VPS45: variants seen among roughly 807,000 people sequenced by gnomAD.
The protein encoded by VPS45 is vacuolar protein sorting 45 homolog.
Under a neutral mutation model 75.9 loss-of-function variants are expected in VPS45, and 35 were observed. The ratio of observed to expected loss-of-function variants is 0.46; its 90% CI spans 0.35 to 0.61. VPS45 has a LOEUF of 0.61. Among genes scored for constraint, VPS45 ranks in the 20% least tolerant of loss-of-function variants. The probability of loss-of-function intolerance (pLI) is 0.00; values close to 1 mark genes in which losing one functional copy is unlikely to be tolerated. For missense variants in VPS45, 559 were observed against 685.9 expected (o/e 0.81, Z 2.07); for synonymous variants, 220 against 238.2 (o/e 0.92, Z 0.70).
intron 14 of VPS45, among the ~76,000 whole-genome samples, chr1:150,122,092 G>A (rs1265226677): frequency 6.6e-6 from 1 of 152,070 alleles, no homozygotes; most frequent in African/African-American, 2.4e-5. Context: ...GGGCCAAGGC[G>A]GCCGGATCAC....
At chr1:150,083,056 A>G in intron 10 of VPS45, 173 bp downstream of exon 10, 3 of 694,352 alleles carry the variant, frequency 4.3e-6, no homozygotes, top group Non-Finnish European at 6.6e-6. Flanking sequence ...GAGTCACAAG[A>G]GAAGTGTAAT....
At chr1:150,069,730 A>G (rs1224560556) in intron 2 of VPS45, among the ~76,000 whole-genome samples, 14 of 152,174 alleles carry the variant, frequency 9.2e-5, no homozygotes, top group Admixed American at 9.2e-4. Context: ...TGCTGGGATT[A>G]CAGGCGGGAG....
At chr1:150,114,522 T>A (rs1286956318) in intron 14 of VPS45, among the ~76,000 whole-genome samples, 1 of 145,486 alleles carries the variant, frequency 6.9e-6, no homozygotes, top group Non-Finnish European at 1.5e-5. Flanking sequence ...GGCGGGAGGA[T>A]CATTTGAGCT....
intron 10 of VPS45, among the ~76,000 whole-genome samples, chr1:150,085,982 T>A (rs1228723273): frequency 2.0e-5 from 3 of 152,040 alleles, no homozygotes; most frequent in African/African-American, 7.2e-5. Context: ...CCCTATACCC[T>A]GCCCCCCATG....
At chr1:150,079,699 A>G (rs1655589452) in intron 7 of VPS45, among the ~76,000 whole-genome samples, 1 of 152,194 alleles carries the variant, frequency 6.6e-6, no homozygotes, top group African/African-American at 2.4e-5. Context: ...GGCGTGAGCC[A>G]CCACGCCCGG....
chr1:150,142,811 CCTGT>C (rs1659458846), intron 14 of VPS45: 2 of 446,982 alleles, frequency 4.5e-6, no homozygotes, highest in African/African-American at 2.0e-5. Flanking sequence ...ACTACAGGCA[CCTGT>C]CTAATTTTTG....
At position 150,144,783 on chromosome 1, in the gene VPS45, C is replaced by T. The variant is rs373074422; in HGVS notation, c.1700C>T (p.Ala567Val). ...KESSQVTSRS[A>V]SRR is the part of the protein sequence containing the mutation. ...AGCTCTCAAGTCACATCAAGGTCAG[C>T]GAGCAGAAGATGAAACGGTGGTTGG... Residue 567 changes from alanine (A) to valine (V), a missense_variant, in exon 15 of 15, where the codon GCG (alanine) becomes GTG (valine). Transcript: ENST00000644510. The T allele has an allele frequency of 1.7e-5, 28 of 1,614,022 alleles. No homozygotes were observed. The highest frequency in any genetic ancestry group is 2.0e-5 in the Non-Finnish European group (24 of 1,180,046).
intron 2 of VPS45, among the ~76,000 whole-genome samples, chr1:150,071,794 A>AAG (rs1655090055): frequency 6.6e-6 from 1 of 151,682 alleles, no homozygotes; most frequent in South Asian, 2.1e-4. Context: ...TCTCAAAAAA[A>AAG]AAAAAAAAGA....
intron 2 of VPS45, 61 bp from the exon 3 acceptor site, chr1:150,072,105 T>A: frequency 1.4e-6 from 2 of 1,434,576 alleles, no homozygotes; most frequent in Non-Finnish European, 1.9e-6. Flanking sequence ...GGTGAATGCT[T>A]ATTACTTTTT....
chr1:150,067,581 G>A (rs1275930409), upstream of VPS45: 2 of 445,650 alleles, frequency 4.5e-6, no homozygotes, highest in African/African-American at 2.0e-5. Flanking sequence ...CTGAGAGTCC[G>A]GGCCTCAGGC....
At chr1:150,068,607 T>C (rs1430130805) in intron 1 of VPS45, 23 bp from the exon 2 acceptor site, 1 of 1,495,650 alleles carries the variant, frequency 6.7e-7, no homozygotes, top group Non-Finnish European at 9.0e-7. Flanking sequence ...AGCATACTTT[T>C]AGTTAATCTT....
intron 10 of VPS45, among the ~76,000 whole-genome samples, chr1:150,085,008 G>A (rs1020386379): frequency 3.3e-5 from 5 of 151,898 alleles, no homozygotes; most frequent in African/African-American, 1.2e-4. Context: ...ATTGTTGTTG[G>A]GTTTTGGATC....
At chr1:150,141,123 C>G (rs1659370204) in intron 14 of VPS45, among the ~76,000 whole-genome samples, 1 of 152,190 alleles carries the variant, frequency 6.6e-6, no homozygotes, top group Non-Finnish European at 1.5e-5. Context: ...CTGCCTTACC[C>G]ACTCCCATAC....
chr1:150,105,428 G>T (rs1657268408), intron 13 of VPS45, among the ~76,000 whole-genome samples: 1 of 152,116 alleles, frequency 6.6e-6, no homozygotes, highest in Non-Finnish European at 1.5e-5. Context: ...AAAGTCTCAG[G>T]ATACAAAATC....
intron 13 of VPS45, among the ~76,000 whole-genome samples, chr1:150,106,393 C>T (rs1177941071): frequency 6.6e-6 from 1 of 152,080 alleles, no homozygotes; most frequent in African/African-American, 2.4e-5. Flanking sequence ...AAAAACAACC[C>T]CATTAAAAAC....
rs782101121 is a variant in VPS45 at position 150,072,161 on chromosome 1, T to C, written c.229-5T>C. The C allele has an allele frequency of 1.2e-6, 2 of 1,605,942 alleles. No individual in the cohort carries two copies. The highest frequency in any genetic ancestry group is 2.2e-5 in the South Asian group (2 of 89,792). ...TATTTTGTTTGCTTGTTCTTCATTTTCTAGGAGAATGTGGATTATATTATT... is the reference window on the plus strand; with the variant it reads ...TATTTTGTTTGCTTGTTCTTCATTTCCTAGGAGAATGTGGATTATATTATT... On this transcript the variant is annotated splice_region_variant and splice_polypyrimidine_tract_variant and intron_variant, in intron 2 of 14. Transcript: ENST00000644510.
intron 14 of VPS45, among the ~76,000 whole-genome samples, chr1:150,142,438 A>G (rs1659439006): frequency 6.6e-6 from 1 of 152,220 alleles, no homozygotes; most frequent in African/African-American, 2.4e-5. Flanking sequence ...CTGTATTTCC[A>G]TAGAGGAACA....
At chr1:150,129,342 A>G (rs1373499693) in intron 14 of VPS45, among the ~76,000 whole-genome samples, 1 of 152,126 alleles carries the variant, frequency 6.6e-6, no homozygotes, top group Non-Finnish European at 1.5e-5. Context: ...ATATTTTTTA[A>G]TTAAAAAAAT....
chr1:150,069,518 G>T (rs1358020733), intron 2 of VPS45, among the ~76,000 whole-genome samples: 2 of 135,684 alleles, frequency 1.5e-5, no homozygotes, highest in Non-Finnish European at 3.0e-5. Flanking sequence ...GTGCAGTGGC[G>T]CAATCTCGGC....
Sources: allele counts gnomAD v4.1 joint callset (sites outside exome capture counted in the v4.1 genomes callset), GRCh38; gene constraint gnomAD v4.1.1; transcripts MANE v1.5; gene names NCBI Gene and HGNC (gene_info 2026-07-23, HGNC 2026-07-21).